The following PRELID3A variants were observed in gnomAD, a reference collection of about 807,000 sequenced individuals.
PRELID3A encodes the protein PRELI domain containing 3A, also known as PRELI domain containing protein 3A.
In PRELID3A, 27 loss-of-function variants were observed where a neutral mutation model predicts 23.0. The ratio of observed to expected loss-of-function variants is 1.17; its 90% CI spans 0.87 to 1.62. The LOEUF (loss-of-function observed/expected upper bound fraction) is 1.62. Ranked by LOEUF, PRELID3A falls within the 40% of genes most tolerant of loss-of-function variation. The pLI, the probability that PRELID3A is intolerant of heterozygous loss-of-function variation, is 0.00. For missense variants in PRELID3A, 231 were observed against 231.4 expected (o/e 1.00, Z 0.01); for synonymous variants, 87 against 86.4 (o/e 1.01, Z -0.04).
rs1598854173 is a variant in PRELID3A at position 12,410,992 on chromosome 18, G to A, written c.32+2985G>A. ...GGGATTACAGTACTTTTGAAATGAAGAAATAATTAGGCACAAACAGTTTGA... is the reference window on the plus strand; with the variant it reads ...GGGATTACAGTACTTTTGAAATGAAAAAATAATTAGGCACAAACAGTTTGA... On this transcript the variant is annotated intron_variant, in intron 1 of 6. Transcript: ENST00000440960. The A allele has an allele frequency of 2.0e-5, 3 of 152,156 alleles. No homozygotes were observed. The South Asian group carries it at 6.2e-4, about 32-fold the overall frequency. The allele number at this position is 152,156 out of a possible 1,614,324, so 9.4% of individuals were successfully genotyped here.
At chr18:12,423,425 C>T (rs2030255205) in intron 3 of PRELID3A, among the ~76,000 whole-genome samples, 1 of 152,108 alleles carries the variant, frequency 6.6e-6, no homozygotes, top group African/African-American at 2.4e-5. Flanking sequence ...GGTAATTGTC[C>T]AGGTGAGAGG....
intron 1 of PRELID3A, among the ~76,000 whole-genome samples, chr18:12,415,810 T>G (rs1304428605): frequency 6.6e-6 from 1 of 152,160 alleles, no homozygotes; most frequent in African/African-American, 2.4e-5. Flanking sequence ...GTTATTCCTT[T>G]TCATTCCCCA....
chr18:12,410,934 A>C (rs1909886899), intron 1 of PRELID3A: 1 of 152,158 alleles, frequency 6.6e-6, no homozygotes, highest in Non-Finnish European at 1.5e-5. Context: ...CCTGACCTCA[A>C]GTGATCCACC....
At chr18:12,424,186 C>T (rs2030283927) in intron 3 of PRELID3A, among the ~76,000 whole-genome samples, 1 of 152,178 alleles carries the variant, frequency 6.6e-6, no homozygotes, top group Non-Finnish European at 1.5e-5. Flanking sequence ...TCTTTCTGCC[C>T]CCAAAACCAA....
chr18:12,429,757 G>A (rs533648937), intron 6 of PRELID3A, among the ~76,000 whole-genome samples: 4 of 152,346 alleles, frequency 2.6e-5, no homozygotes, highest in Admixed American at 1.3e-4. Context: ...GAGTTGGCGC[G>A]AGTGGCCAGG....
At chr18:12,410,475 C>T (rs1909871875) in intron 1 of PRELID3A, among the ~76,000 whole-genome samples, 1 of 152,158 alleles carries the variant, frequency 6.6e-6, no homozygotes, top group Non-Finnish European at 1.5e-5. Context: ...GATGTGGTAC[C>T]ATGAGGTGGT....
Position 12,420,376 on chromosome 18 carries a change from G to C in PRELID3A, c.84G>C (p.Pro28=), listed in dbSNP as rs139581330. 1.9e-6 allele frequency: 3 copies of C among 1,611,170 alleles called. No homozygotes were observed. Among genetic ancestry groups the C allele is most frequent in the East Asian group, 2.2e-5 (1 of 44,784 alleles). Residue 28 remains proline (P), a synonymous_variant, in exon 2 of 7, where the codon CCG becomes CCC. Transcript: ENST00000440960. ...IQAAMRKYPN[P]MNPSVLGVDV... ...CGGCCATGCGCAAGTACCCGAACCC[G>C]ATGAACCCGAGCGTGCTGGGCGTGG... is the stretch of plus-strand genomic sequence containing the variant.
At chr18:12,415,397 C>G (rs900121356) in intron 1 of PRELID3A, among the ~76,000 whole-genome samples, 1 of 152,010 alleles carries the variant, frequency 6.6e-6, no homozygotes, top group African/African-American at 2.4e-5. Context: ...GTAGCTGGGA[C>G]TACAGGTGTG....
chr18:12,409,228 G>T (rs1050998838), intron 1 of PRELID3A, among the ~76,000 whole-genome samples: 2 of 141,978 alleles, frequency 1.4e-5, no homozygotes, highest in African/African-American at 5.3e-5. Context: ...GTGCAATGGC[G>T]CGATCTTGGC....
At chr18:12,430,515 G>A (rs1400466502) in intron 6 of PRELID3A, among the ~76,000 whole-genome samples, 2 of 150,082 alleles carry the variant, frequency 1.3e-5, no homozygotes, top group African/African-American at 2.5e-5. Context: ...TGTGTGATGT[G>A]CGTGTGTGGG....
At chr18:12,424,578 G>C (rs1190271410) in intron 3 of PRELID3A, among the ~76,000 whole-genome samples, 1 of 152,244 alleles carries the variant, frequency 6.6e-6, no homozygotes, top group Non-Finnish European at 1.5e-5. Flanking sequence ...CTGGCACTCT[G>C]TAGGAGGAGA....
At chr18:12,426,447 G>A (rs554219632) in intron 3 of PRELID3A, among the ~76,000 whole-genome samples, 25 of 148,914 alleles carry the variant, frequency 1.7e-4, no homozygotes, top group Admixed American at 2.7e-4. Flanking sequence ...CCAGCTACTC[G>A]GGAGGCTGAG....
intron 1 of PRELID3A, among the ~76,000 whole-genome samples, chr18:12,414,777 C>G (rs16977182): frequency 0.17 from 25,292 of 150,192 alleles, 2,541 homozygotes; most frequent in East Asian, 0.33. Flanking sequence ...AGTCATGTCT[C>G]AGTAGCACTG....
At chr18:12,417,052 C>T (rs1161289135) in intron 1 of PRELID3A, among the ~76,000 whole-genome samples, 1 of 152,096 alleles carries the variant, frequency 6.6e-6, no homozygotes, top group Non-Finnish European at 1.5e-5. Context: ...CATTTTCCTC[C>T]ATTGTTCTGT....
chr18:12,424,535 T>A (rs1024162832), intron 3 of PRELID3A, among the ~76,000 whole-genome samples: 3 of 152,216 alleles, frequency 2.0e-5, no homozygotes, highest in African/African-American at 7.2e-5. Flanking sequence ...TTCTGTTGAA[T>A]GTAACGCCCA....
chr18:12,414,866 C>A (rs895822337), intron 1 of PRELID3A, among the ~76,000 whole-genome samples: 1 of 152,114 alleles, frequency 6.6e-6, no homozygotes, highest in African/African-American at 2.4e-5. Context: ...CTGATGGAGG[C>A]CTTGGGTCAC....
In PRELID3A at chr18:12,407,959, G is replaced by A. The variant is rs556050709; in HGVS notation, c.-17G>A. ...ACCCGGCCCGGATCGCAGAGCCCGC[G>A]CCCTGCGCCGGCGGCAATGAAGATC... On this transcript the variant is annotated 5_prime_UTR_variant, in exon 1 of 7. Transcript: ENST00000440960. 7.0e-6 allele frequency: 9 copies of A among 1,294,794 alleles called. No individual in the cohort carries two copies. In the South Asian group the frequency reaches 1.2e-4, roughly 18 times the overall value. 80.2% of individuals were successfully genotyped at this position (1,294,794 alleles called of 1,614,324 possible).
In PRELID3A at chr18:12,431,461, C is replaced by G. The variant is rs1259982891; in HGVS notation, c.*345C>G. 6.6e-6 allele frequency: 1 copy of G among 151,886 alleles called. No individual in the cohort carries two copies. The highest frequency in any genetic ancestry group is 1.5e-5 in the Non-Finnish European group (1 of 67,966). The allele number at this position is 151,886 out of a possible 1,614,324, so 9.4% of individuals were successfully genotyped here. On this transcript the variant is annotated 3_prime_UTR_variant, in exon 7 of 7. Transcript: ENST00000440960. ...CAGCCCCTTCTCTCCCTGCAGGTGA[C>G]CCGCGCCGCCCCCGCCCGCCCGCCC...
At chr18:12,418,754 A>G (rs2030041925) in intron 1 of PRELID3A, among the ~76,000 whole-genome samples, 1 of 152,172 alleles carries the variant, frequency 6.6e-6, no homozygotes, top group Non-Finnish European at 1.5e-5. Flanking sequence ...AGTCCGGGGG[A>G]AGGTCCATGC....
Sources: gnomAD v4.1 joint callset for allele counts (sites outside exome capture counted in the v4.1 genomes callset) on GRCh38, gnomAD v4.1.1 for gene constraint, MANE v1.5 for transcripts, NCBI Gene and HGNC (gene_info 2026-07-23, HGNC 2026-07-21) for gene names.